The following EYS variants were observed in gnomAD, a reference collection of about 807,000 sequenced individuals.
EYS encodes the protein protein eyes shut homolog.
Under a neutral mutation model 282.1 loss-of-function variants are expected in EYS, and 250 were observed. That is an observed-to-expected ratio of 0.89 (90% CI 0.80 to 0.98). The LOEUF is 0.98. Among genes scored for constraint, EYS ranks in the 50% least tolerant of loss-of-function variants. EYS has a pLI of 0.00. For missense variants in EYS, 4,016 were observed against 3,709.0 expected (o/e 1.08, Z -2.15); for synonymous variants, 1,355 against 1,282.9 (o/e 1.06, Z -1.20).
chr6:65,037,438 C>A (rs1772803489), intron 13 of EYS, among the ~76,000 whole-genome samples: 1 of 151,708 alleles, frequency 6.6e-6, no homozygotes, highest in African/African-American at 2.4e-5. Context: ...ACGTTATATA[C>A]CTGCACATGT....
At chr6:65,640,305 A>G (rs758772419) in intron 1 of EYS, among the ~76,000 whole-genome samples, 30 of 152,224 alleles carry the variant, frequency 2.0e-4, no homozygotes, top group Non-Finnish European at 3.1e-4. Context: ...AAGGGCTTCA[A>G]CTTGGCAGGA....
At chr6:64,142,463 A>G (rs1774368039) in intron 31 of EYS, among the ~76,000 whole-genome samples, 2 of 152,122 alleles carry the variant, frequency 1.3e-5, no homozygotes, top group African/African-American at 4.8e-5. Flanking sequence ...CAGGTCAGTG[A>G]GAAATAAGCA....
chr6:64,880,086 T>A (rs895340246), intron 19 of EYS, among the ~76,000 whole-genome samples: 1 of 151,996 alleles, frequency 6.6e-6, no homozygotes, highest in Non-Finnish European at 1.5e-5. Context: ...TAGAATTAGT[T>A]ACCTGATTCT....
At chr6:64,954,375 C>T (rs1769619537) in intron 14 of EYS, among the ~76,000 whole-genome samples, 1 of 151,958 alleles carries the variant, frequency 6.6e-6, no homozygotes, top group Admixed American at 6.6e-5. Context: ...ACTGCTCAAA[C>T]ATATTTATTA....
At chr6:65,520,024 C>A (rs1691375644) in intron 2 of EYS, among the ~76,000 whole-genome samples, 1 of 150,556 alleles carries the variant, frequency 6.6e-6, no homozygotes, top group South Asian at 2.1e-4. Context: ...TTTATAGATT[C>A]ACCCTTTAAG....
At chr6:65,219,012 A>G (rs1269078796) in intron 12 of EYS, among the ~76,000 whole-genome samples, 1 of 152,114 alleles carries the variant, frequency 6.6e-6, no homozygotes, top group Non-Finnish European at 1.5e-5. Context: ...GAGAAAAATG[A>G]AGACAGAGAA....
intron 30 of EYS, among the ~76,000 whole-genome samples, chr6:64,262,181 A>G (rs1767611766): frequency 6.6e-6 from 1 of 152,216 alleles, no homozygotes; most frequent in African/African-American, 2.4e-5. Context: ...ATTTTGTCAT[A>G]TAACACTTCT....
At chr6:63,817,807 T>C (rs1440573283) in intron 36 of EYS, among the ~76,000 whole-genome samples, 1 of 152,194 alleles carries the variant, frequency 6.6e-6, no homozygotes, top group Non-Finnish European at 1.5e-5. Flanking sequence ...TGCCCTGCAG[T>C]TGGTTGGATT....
intron 14 of EYS, among the ~76,000 whole-genome samples, chr6:64,949,454 C>T (rs1443570617): frequency 6.6e-6 from 1 of 151,864 alleles, no homozygotes; most frequent in East Asian, 1.9e-4. Flanking sequence ...GTCCTTGACA[C>T]ATGGCCTCCT....
intron 30 of EYS, among the ~76,000 whole-genome samples, chr6:64,239,787 T>C (rs983798901): frequency 1.3e-5 from 2 of 152,204 alleles, no homozygotes; most frequent in South Asian, 2.1e-4. Flanking sequence ...TTTTAGCTTT[T>C]GTTGCTGTTG....
chr6:65,596,808 T>C (rs189283085), intron 2 of EYS, among the ~76,000 whole-genome samples: 2 of 152,236 alleles, frequency 1.3e-5, no homozygotes, highest in East Asian at 3.9e-4. Context: ...TAACAAAGCA[T>C]TTAAAATTGA....
intron 11 of EYS, among the ~76,000 whole-genome samples, chr6:65,333,802 A>G (rs1769882516): frequency 6.6e-6 from 1 of 151,634 alleles, no homozygotes; most frequent in Non-Finnish European, 1.5e-5. Flanking sequence ...TTATAATTAT[A>G]AAATATCTTT....
chr6:65,474,206 C>T (rs75925074), intron 5 of EYS, among the ~76,000 whole-genome samples: 7,102 of 152,048 alleles, frequency 0.047, 459 homozygotes, highest in African/African-American at 0.14. Context: ...ATGTGTAAAG[C>T]AATAGTTTCA....
At chr6:63,828,331 G>A (rs1215900847) in intron 36 of EYS, among the ~76,000 whole-genome samples, 1 of 152,124 alleles carries the variant, frequency 6.6e-6, no homozygotes, top group African/African-American at 2.4e-5. Context: ...TAGACCATTA[G>A]CAAGATTAAC....
chr6:65,570,983 C>T (rs1315168136), intron 2 of EYS, among the ~76,000 whole-genome samples: 4 of 152,012 alleles, frequency 2.6e-5, no homozygotes, highest in Admixed American at 2.0e-4. Context: ...ATTTGTTTCT[C>T]GTTATTCACA....
chr6:65,466,752 C>A (rs1765014317), intron 5 of EYS, among the ~76,000 whole-genome samples: 1 of 152,106 alleles, frequency 6.6e-6, no homozygotes, highest in East Asian at 1.9e-4. Flanking sequence ...AACTTAAGAC[C>A]TTCAGACACT....
At chr6:64,744,656 A>G (rs970396770) in intron 22 of EYS, among the ~76,000 whole-genome samples, 4 of 152,184 alleles carry the variant, frequency 2.6e-5, no homozygotes, top group African/African-American at 7.2e-5. Flanking sequence ...ATGCATGCAC[A>G]TTATATATGC....
rs184914029 is a variant in EYS at position 64,175,308 on chromosome 6, A to G, written c.6424+55284T>C. Among the ~76,000 whole-genome samples the G allele has an allele frequency of 1.9e-3, 287 of 152,286 alleles. 1 individual carries two copies. The highest frequency in any genetic ancestry group is 2.1e-3 in the South Asian group (10 of 4,820). ...TCCTAACCTAGGTTCTCCAGAAAGCAAAGCCTCAGACAAAAGCTAGTGTGC... is the reference window on the plus strand; with the variant it reads ...TCCTAACCTAGGTTCTCCAGAAAGCGAAGCCTCAGACAAAAGCTAGTGTGC... On this transcript the variant is annotated intron_variant, in intron 31 of 42. Coordinates refer to ENST00000503581, the MANE Select transcript of EYS (RefSeq NM_001142800.2).
intron 30 of EYS, among the ~76,000 whole-genome samples, chr6:64,232,782 T>A (rs1336281450): frequency 1.3e-5 from 2 of 152,184 alleles, no homozygotes; most frequent in Non-Finnish European, 2.9e-5. Flanking sequence ...CTCTTTAGTT[T>A]TATAAATAAT....
Sources: gnomAD v4.1 joint callset for allele counts (sites outside exome capture counted in the v4.1 genomes callset) on GRCh38, gnomAD v4.1.1 for gene constraint, MANE v1.5 for transcripts, NCBI Gene and HGNC (gene_info 2026-07-23, HGNC 2026-07-21) for gene names.